AGPAT3: variants seen among roughly 807,000 people sequenced by gnomAD.
AGPAT3 encodes the protein 1-acylglycerol-3-phosphate O-acyltransferase 3.
AGPAT3 carries 5 observed loss-of-function variants against 47.3 expected under a neutral mutation model. The observed-to-expected ratio is 0.11, with a 90% confidence interval of 0.06 to 0.22. The LOEUF is 0.22. Among genes scored for constraint, AGPAT3 ranks in the 10% least tolerant of loss-of-function variants. The pLI, the probability that AGPAT3 is intolerant of heterozygous loss-of-function variation, is 1.00. For missense variants in AGPAT3, 315 were observed against 493.0 expected, an observed-to-expected ratio of 0.64 and a Z score of 3.42; for synonymous variants, 212 against 208.3, an observed-to-expected ratio of 1.02 and a Z score of -0.15.
At chr21:43,915,860 A>G (rs576056424) in intron 2 of AGPAT3, among the ~76,000 whole-genome samples, 3 of 152,158 alleles carry the variant, frequency 2.0e-5, no homozygotes, top group East Asian at 1.9e-4. Flanking sequence ...TCAACTTTTT[A>G]AGTTGGAGGC....
chr21:43,950,822 T>C (rs1345495340), intron 2 of AGPAT3: 3 of 152,302 alleles, frequency 2.0e-5, no homozygotes, highest in Non-Finnish European at 4.4e-5. Flanking sequence ...TTGTCCACGC[T>C]GCGTTTAAAG....
intron 1 of AGPAT3, among the ~76,000 whole-genome samples, chr21:43,890,172 CT>C (rs1316209786): frequency 6.6e-6 from 1 of 152,136 alleles, no homozygotes; most frequent in Admixed American, 6.5e-5. Context: ...CACCGTCCCC[CT>C]AGTGCTGTAA....
At chr21:43,913,689 A>G (rs541347703) in intron 2 of AGPAT3, among the ~76,000 whole-genome samples, 27 of 152,262 alleles carry the variant, frequency 1.8e-4, no homozygotes, top group African/African-American at 6.3e-4. Context: ...ACATTTGGCA[A>G]TGGCAGGAGA....
rs866105297 is a variant in AGPAT3, at chr21:43,952,581, A to G, written c.-48-7053A>G. ...CGGTAGCTTGTGCAGGGGCCAGGAC[A>G]AAACCCAAGAAGCAGCCATCACGCC... On this transcript the variant is annotated intron_variant, in intron 2 of 9. Transcript: ENST00000291572. This position sits in a 1 kb window ranked among gnomAD's most constrained non-coding sequence, Gnocchi z 5.6. Among the ~76,000 whole-genome samples the G allele has an allele frequency of 2.0e-5, 3 of 152,322 alleles. No homozygotes were observed. Among genetic ancestry groups the G allele is most frequent in the Middle Eastern group, 6.8e-3 (2 of 294 alleles).
intron 7 of AGPAT3, among the ~76,000 whole-genome samples, chr21:43,975,033 G>C (rs2089553909): frequency 6.6e-6 from 1 of 152,082 alleles, no homozygotes; most frequent in South Asian, 2.1e-4. Flanking sequence ...ACTGGCGTTT[G>C]CTGATGTGTG....
chr21:43,901,056 C>T (rs564248161), intron 1 of AGPAT3, among the ~76,000 whole-genome samples: 54 of 152,282 alleles, frequency 3.5e-4, no homozygotes, highest in Admixed American at 2.7e-3. Flanking sequence ...AATTCCAGCC[C>T]TTTGGGAGGC....
intron 1 of AGPAT3, among the ~76,000 whole-genome samples, chr21:43,902,948 G>A (rs191001324): frequency 2.0e-5 from 3 of 152,288 alleles, no homozygotes; most frequent in East Asian, 3.9e-4. Context: ...TGCAGTGAGC[G>A]GTGATTGTGC....
chr21:43,950,773 TTCC>T (rs2088154844), intron 2 of AGPAT3: 1 of 152,316 alleles, frequency 6.6e-6, no homozygotes, highest in Non-Finnish European at 1.5e-5. Flanking sequence ...CAGCCCGCAC[TTCC>T]AATGAGCTGT....
chr21:43,969,407 A>G (rs1346120881), intron 5 of AGPAT3, 128 bp downstream of exon 5: 2 of 1,226,680 alleles, frequency 1.6e-6, no homozygotes, highest in East Asian at 2.5e-5. Context: ...TGCTGTTTCC[A>G]TGGGGCCATG....
intron 2 of AGPAT3, among the ~76,000 whole-genome samples, chr21:43,914,314 G>T (rs749029766): frequency 6.6e-6 from 1 of 152,162 alleles, no homozygotes; most frequent in Non-Finnish European, 1.5e-5. Flanking sequence ...TGTCAGTGTT[G>T]CTTCATTAAA....
At position 43,912,084 on chromosome 21, in the gene AGPAT3, G is replaced by A. The variant is rs141206268; in HGVS notation, c.-49+8065G>A. On this transcript the variant is annotated intron_variant, in intron 2 of 9. Transcript: ENST00000291572. Reference sequence around the variant, plus strand: ...CTGGGAGCCTAGAGGTATCTTAGTCGTCCTCACAGGCTCAGCTTGAGCATT... The same window carrying A: ...CTGGGAGCCTAGAGGTATCTTAGTCATCCTCACAGGCTCAGCTTGAGCATT... Among the ~76,000 whole-genome samples the A allele has an allele frequency of 6.0e-4, 91 of 152,334 alleles. 1 individual carries two copies. In the Middle Eastern group the frequency reaches 0.024, roughly 40 times the overall value.
rs1429470437 is a variant in AGPAT3 at position 43,933,638 on chromosome 21, G to A, written c.-48-25996G>A. Among the ~76,000 whole-genome samples the A allele has an allele frequency of 2.0e-5, 3 of 151,956 alleles. No homozygotes were observed. The highest frequency in any genetic ancestry group is 6.6e-5 in the Admixed American group (1 of 15,230). On this transcript the variant is annotated intron_variant, in intron 2 of 9. Coordinates refer to ENST00000291572, the MANE Select transcript of AGPAT3 (RefSeq NM_020132.5). The surrounding 1 kb of genome is among the most constrained non-coding windows in gnomAD (Gnocchi z 6.0). ...GGAAACTGAGGCACAGCTTGGAAGC[G>A]GTTGGCACTGGGGTTAGGCTCCAGT... is the stretch of plus-strand genomic sequence containing the variant.
At chr21:43,909,315 A>G (rs1204937015) in intron 2 of AGPAT3, among the ~76,000 whole-genome samples, 29 of 63,814 alleles carry the variant, frequency 4.5e-4, no homozygotes, top group African/African-American at 1.2e-3. Flanking sequence ...TTTTTTTTTG[A>G]GACGGGGTCT....
intron 2 of AGPAT3, among the ~76,000 whole-genome samples, chr21:43,914,940 A>T (rs1569061302): frequency 1.3e-5 from 2 of 152,222 alleles, no homozygotes; most frequent in African/African-American, 2.4e-5. Context: ...GCCACACTTT[A>T]TAATTAATTT....
At chr21:43,968,657 C>T (rs2089259516) in intron 4 of AGPAT3, among the ~76,000 whole-genome samples, 1 of 152,038 alleles carries the variant, frequency 6.6e-6, no homozygotes, top group African/African-American at 2.4e-5. Flanking sequence ...GCCCGCAGGG[C>T]CTCAGCTGTC....
intron 1 of AGPAT3, among the ~76,000 whole-genome samples, chr21:43,869,176 C>T (rs550838584): frequency 3.4e-4 from 52 of 152,252 alleles, no homozygotes; most frequent in African/African-American, 1.2e-3. Context: ...ATTCAATTGA[C>T]GTAAATTCAT....
In AGPAT3 at chr21:43,955,161, C is replaced by A; in HGVS notation, c.-48-4473C>A. ...GCCACGGATGCGCCCTGGGTGCTGT[C>A]CCGGGGCCGTCTCAGAAGCACCGCG... is the stretch of plus-strand genomic sequence containing the variant. On this transcript the variant is annotated intron_variant, in intron 2 of 9. Coordinates refer to ENST00000291572, the MANE Select transcript of AGPAT3 (RefSeq NM_020132.5). The surrounding 1 kb of genome is among the most constrained non-coding windows in gnomAD (Gnocchi z 4.1). 1 of 1,276,316 alleles carries A rather than the reference C, an allele frequency of 7.8e-7. No homozygotes were observed. The highest frequency in any genetic ancestry group is 1.5e-5 in the African/African-American group (1 of 65,608). The allele number at this position is 1,276,316 out of a possible 1,614,324, so 79.1% of individuals were successfully genotyped here. A position where few individuals can be genotyped will look rare whatever the true frequency, so the allele number is the denominator to read the frequency against.
chr21:43,954,577 C>T lies in AGPAT3; in HGVS notation c.-48-5057C>T, dbSNP rs1319399161. 6.6e-6 allele frequency: 1 copy of T among 152,324 alleles called. No homozygotes were observed. Among genetic ancestry groups the T allele is most frequent in the Non-Finnish European group, 1.5e-5 (1 of 68,118 alleles). 9.4% of individuals were successfully genotyped at this position (152,324 alleles called of 1,614,324 possible). On this transcript the variant is annotated intron_variant, in intron 2 of 9. Coordinates refer to ENST00000291572, the MANE Select transcript of AGPAT3 (RefSeq NM_020132.5). This position sits in a 1 kb window ranked among gnomAD's most constrained non-coding sequence, Gnocchi z 4.0. ...CCTCCAGGACGTAGAGGTTGATGAT[C>T]CGGGCAGGTGGCCTTCAGCGAGGGA...
In AGPAT3 at chr21:43,983,754, C is replaced by G. The variant is rs1454010967; in HGVS notation, c.*1362C>G. ...CTTGGTTGCGGTACCATCAGCCCAC[C>G]TGCATTTGGCTTTCGACTTGCTTGT... On this transcript the variant is annotated 3_prime_UTR_variant, in exon 10 of 10. Transcript: ENST00000291572. The G allele has an allele frequency of 6.6e-6, 1 of 152,272 alleles. No individual in the cohort carries two copies. The highest frequency in any genetic ancestry group is 2.4e-5 in the African/African-American group (1 of 41,476). The allele number at this position is 152,272 out of a possible 1,614,324, so 9.4% of individuals were successfully genotyped here. A position where few individuals can be genotyped will look rare whatever the true frequency, so the allele number is the denominator to read the frequency against.
Sources: gnomAD v4.1 joint callset for allele counts (sites outside exome capture counted in the v4.1 genomes callset) on GRCh38, gnomAD v4.1.1 for gene constraint, Gnocchi (gnomAD v3.1) non-coding constraint, MANE v1.5 for transcripts, NCBI Gene and HGNC (gene_info 2026-07-23, HGNC 2026-07-21) for gene names.